Variants in CRY1 observed in about 807,000 individuals in gnomAD.
The protein encoded by CRY1 is cryptochrome-1.
Under a neutral mutation model 76.0 loss-of-function variants are expected in CRY1, and 45 were observed. That is an observed-to-expected ratio of 0.59 (90% CI 0.47 to 0.76). CRY1 has a LOEUF of 0.76. CRY1 is among the 30% of genes least tolerant of loss of function. The probability of loss-of-function intolerance (pLI) is 0.00; values close to 1 mark genes in which losing one functional copy is unlikely to be tolerated. For synonymous variants in CRY1, 248 were observed against 244.0 expected (o/e 1.02, Z -0.15); for missense variants, 587 against 716.4 (o/e 0.82, Z 2.06).
chr12:107,044,593 T>C (rs1413324758), intron 1 of CRY1, among the ~76,000 whole-genome samples: 1 of 152,148 alleles, frequency 6.6e-6, no homozygotes, highest in African/African-American at 2.4e-5. Flanking sequence ...CAGACATCAA[T>C]GCAGGGACCA....
At position 107,031,370 on chromosome 12, in the gene CRY1, C is replaced by CT. The variant is rs1190940981; in HGVS notation, c.159-9179dup. Among the ~76,000 whole-genome samples, 1,165 of 134,856 alleles carry CT rather than the reference C, an allele frequency of 8.6e-3. 8 individuals carry two copies. Among genetic ancestry groups the CT allele is most frequent in the South Asian group, 0.026 (107 of 4,146 alleles). The allele number at this position is 134,856 out of a possible 152,430, so 88.5% of individuals were successfully genotyped here. ...AAGCTTTAGTAAATAAGACATAAATCTTTTTTTTTTTTTTTTGCTTATTAT... is the reference window on the plus strand; with the variant it reads ...AAGCTTTAGTAAATAAGACATAAATCTTTTTTTTTTTTTTTTTGCTTATTAT... On this transcript the variant is annotated intron_variant, in intron 1 of 12. Coordinates refer to ENST00000008527, the MANE Select transcript of CRY1 (RefSeq NM_004075.5).
chr12:107,049,942 T>C (rs1952899305), intron 1 of CRY1: 1 of 152,088 alleles, frequency 6.6e-6, no homozygotes, highest in Admixed American at 6.6e-5. Flanking sequence ...TAGACATAAA[T>C]TTGGGACTTA....
chr12:107,005,000 TTATC>T, intron 3 of CRY1, 102 bp downstream of exon 3: 1 of 997,878 alleles, frequency 1.0e-6, no homozygotes, highest in East Asian at 2.6e-5. Flanking sequence ...AGTTAAAAAC[TTATC>T]TATGTAGTTA....
intron 1 of CRY1, among the ~76,000 whole-genome samples, chr12:107,054,132 G>A (rs1952955256): frequency 6.6e-6 from 1 of 152,076 alleles, no homozygotes; most frequent in Non-Finnish European, 1.5e-5. Context: ...ATGAATACTG[G>A]CCTTATAAAA....
At chr12:107,040,410 C>T (rs1440663650) in intron 1 of CRY1, among the ~76,000 whole-genome samples, 4 of 151,158 alleles carry the variant, frequency 2.6e-5, no homozygotes, top group Non-Finnish European at 5.9e-5. Flanking sequence ...CCCAGCCTCC[C>T]GAGTAGCTGG....
chr12:107,016,937 C>T (rs1409626776), intron 2 of CRY1, among the ~76,000 whole-genome samples: 3 of 152,194 alleles, frequency 2.0e-5, no homozygotes, highest in African/African-American at 7.2e-5. Flanking sequence ...CAAAACCCTA[C>T]CACTTCTCAA....
At chr12:107,011,919 T>C (rs1378622621) in intron 2 of CRY1, among the ~76,000 whole-genome samples, 1 of 152,130 alleles carries the variant, frequency 6.6e-6, no homozygotes, top group Non-Finnish European at 1.5e-5. Context: ...GGCCAGGCAC[T>C]GTGGCTCATG....
intron 1 of CRY1, among the ~76,000 whole-genome samples, chr12:107,029,808 A>C (rs377761371): frequency 7.9e-5 from 12 of 152,314 alleles, no homozygotes; most frequent in African/African-American, 2.9e-4. Flanking sequence ...TATATTATGT[A>C]AATAAATACT....
intron 1 of CRY1, among the ~76,000 whole-genome samples, chr12:107,032,165 C>T (rs1402830225): frequency 6.6e-6 from 1 of 151,660 alleles, no homozygotes; most frequent in Non-Finnish European, 1.5e-5. Context: ...AACTCCTGAC[C>T]TCAGGTGATC....
At chr12:107,047,917 C>A (rs1340534165) in intron 1 of CRY1, among the ~76,000 whole-genome samples, 9 of 151,344 alleles carry the variant, frequency 5.9e-5, no homozygotes, top group Non-Finnish European at 1.3e-4. Context: ...AAGGTTGGTG[C>A]AAAATAAACA....
intron 1 of CRY1, among the ~76,000 whole-genome samples, chr12:107,085,622 G>A (rs2136902456): frequency 6.6e-6 from 1 of 152,196 alleles, no homozygotes; most frequent in East Asian, 1.9e-4. Flanking sequence ...AGAACACATG[G>A]ACACGGGGAG....
chr12:107,026,122 T>TTTAC, intron 1 of CRY1, among the ~76,000 whole-genome samples: 1 of 29,856 alleles, frequency 3.3e-5, no homozygotes, highest in South Asian at 1.6e-3. Context: ...ATATATATAT[T>TTTAC]ATATATAATT....
chr12:107,079,784 A>C (rs1339395325), intron 1 of CRY1, among the ~76,000 whole-genome samples: 1 of 152,150 alleles, frequency 6.6e-6, no homozygotes, highest in African/African-American at 2.4e-5. Context: ...GACTAGAAAG[A>C]AGCAGAGGGC....
intron 1 of CRY1, among the ~76,000 whole-genome samples, chr12:107,051,607 A>G (rs1236969832): frequency 6.6e-6 from 1 of 152,206 alleles, no homozygotes; most frequent in Non-Finnish European, 1.5e-5. Context: ...TCAATCTGTC[A>G]AGGAAGGTCC....
At position 106,992,960 on chromosome 12, in the gene CRY1, C is replaced by A; in HGVS notation, c.1657+5G>T. 2 of 1,614,040 alleles carry A rather than the reference C, an allele frequency of 1.2e-6. No homozygotes were observed. Among genetic ancestry groups the A allele is most frequent in the Non-Finnish European group, 1.7e-6 (2 of 1,179,930 alleles). ...GAACAGTATGCTCCAATGCTTCATT[C>A]TTACCTTGCTTCAACAGGTGAGTTT... On this transcript the variant is annotated splice_donor_5th_base_variant and intron_variant, in intron 11 of 12. Coordinates refer to ENST00000008527, the MANE Select transcript of CRY1 (RefSeq NM_004075.5).
intron 1 of CRY1, among the ~76,000 whole-genome samples, chr12:107,089,073 A>G (rs535941149): frequency 1.3e-5 from 2 of 152,334 alleles, no homozygotes; most frequent in African/African-American, 4.8e-5. Flanking sequence ...GTATATCAGT[A>G]CTTCATTCCT....
intron 4 of CRY1, 65 bp downstream of exon 4, chr12:107,001,699 A>T: frequency 4.4e-6 from 6 of 1,376,918 alleles, no homozygotes; most frequent in Admixed American, 2.7e-5. Context: ...TTAAAAGGGG[A>T]ATTTTCTGAG....
At chr12:107,019,560 C>T (rs560202248) in intron 2 of CRY1, among the ~76,000 whole-genome samples, 97 of 152,200 alleles carry the variant, frequency 6.4e-4, no homozygotes, top group African/African-American at 2.3e-3. Flanking sequence ...GAAGAAATCT[C>T]AAAACAAAGA....
Position 106,991,834 on chromosome 12 carries a change from T to A in CRY1, c.*168A>T, listed in dbSNP as rs1952183793. Reference sequence around the variant, plus strand: ...TTTATATACAAATTACCAATTGTCCTCTGTGAAATTCATTAAAAAGTTAAA... The same window carrying A: ...TTTATATACAAATTACCAATTGTCCACTGTGAAATTCATTAAAAAGTTAAA... On this transcript the variant is annotated 3_prime_UTR_variant, in exon 13 of 13. Transcript: ENST00000008527. 6.6e-6 allele frequency: 1 copy of A among 152,604 alleles called. No homozygotes were observed. Among genetic ancestry groups the A allele is most frequent in the African/African-American group, 2.4e-5 (1 of 41,456 alleles). 9.5% of individuals were successfully genotyped at this position (152,604 alleles called of 1,614,324 possible). A position where few individuals can be genotyped will look rare whatever the true frequency, so the allele number is the denominator to read the frequency against.
Sources: allele counts gnomAD v4.1 joint callset (sites outside exome capture counted in the v4.1 genomes callset), GRCh38; gene constraint gnomAD v4.1.1; transcripts MANE v1.5; gene names NCBI Gene and HGNC (gene_info 2026-07-23, HGNC 2026-07-21).